Variants in ATRN observed in about 807,000 individuals in gnomAD.
ATRN encodes the protein attractin-2.
ATRN carries 54 observed loss-of-function variants against 178.7 expected under a neutral mutation model. The ratio of observed to expected loss-of-function variants is 0.30; its 90% confidence interval spans 0.24 to 0.38. The LOEUF (loss-of-function observed/expected upper bound fraction) is 0.38, where lower values mean the gene tolerates loss of function less well. ATRN is among the 10% of genes least tolerant of loss of function. The probability of loss-of-function intolerance (pLI) is 1.00; values close to 1 mark genes in which losing one functional copy is unlikely to be tolerated. For synonymous variants in ATRN, 636 were observed against 663.0 expected, an observed-to-expected ratio of 0.96 and a Z score of 0.63; for missense variants, 1,443 against 1,815.1, an observed-to-expected ratio of 0.79 and a Z score of 3.73.
chr20:3,475,355 A>G (rs2084510698), intron 1 of ATRN, among the ~76,000 whole-genome samples: 2 of 152,208 alleles, frequency 1.3e-5, no homozygotes, highest in Admixed American at 6.5e-5. Context: ...TTTCATGTAC[A>G]TTGTATTATT....
In ATRN at chr20:3,575,942, A is replaced by G; in HGVS notation, c.2208A>G (p.Glu736=). The change falls in exon 13 of 29, where the codon GAA becomes GAG. Residue 736 remains glutamate (E), a synonymous_variant. Coordinates refer to ENST00000262919, the MANE Select transcript of ATRN (RefSeq NM_139321.3). ...HCVPRNHSCS[E]GQISIFRYEN... ...TCCCCAGGAACCACAGCTGCTCAGA[A>G]GGCCAGGTCAGAGGCTGTTTCTTAA... 6.2e-7 allele frequency: 1 copy of G among 1,612,932 alleles called. No homozygotes were observed. Among genetic ancestry groups the G allele is most frequent in the Non-Finnish European group, 8.5e-7 (1 of 1,179,680 alleles).
At chr20:3,483,560 C>T (rs2084650920) in intron 1 of ATRN, among the ~76,000 whole-genome samples, 1 of 152,158 alleles carries the variant, frequency 6.6e-6, no homozygotes, top group South Asian at 2.1e-4. Flanking sequence ...GTTGCCCGGG[C>T]TGATCTTGAA....
At position 3,616,560 on chromosome 20, in the gene ATRN, G is replaced by T. The variant is rs550776863; in HGVS notation, c.3802-7951G>T. Among the ~76,000 whole-genome samples, 12 of 152,310 alleles carry T rather than the reference G, an allele frequency of 7.9e-5. No individual in the cohort carries two copies. The South Asian group carries it at 1.0e-3, about 13-fold the overall frequency. On this transcript the variant is annotated intron_variant, in intron 24 of 28. Transcript: ENST00000262919. ...CCTTTCAGGAACTACCAGGAGTTTA[G>T]CAGAGCTGGTGACAGTGCTATGAGC...
intron 16 of ATRN, 29 bp downstream of exon 16, chr20:3,582,383 T>G (rs1343667555): frequency 1.3e-6 from 2 of 1,599,052 alleles, no homozygotes; most frequent in African/African-American, 2.7e-5. Context: ...TAGGTGGTAT[T>G]CAGAGTTTAT....
At chr20:3,566,904 CAAAA>C (rs33920660) in intron 11 of ATRN, among the ~76,000 whole-genome samples, 4 of 86,456 alleles carry the variant, frequency 4.6e-5, no homozygotes, top group Non-Finnish European at 8.4e-5. Flanking sequence ...GACTCCATCT[CAAAA>C]AAAAAAAAAA....
intron 1 of ATRN, among the ~76,000 whole-genome samples, chr20:3,492,780 T>C (rs965163364): frequency 2.0e-5 from 3 of 150,998 alleles, no homozygotes; most frequent in African/African-American, 7.3e-5. Flanking sequence ...ATTTTGTTGG[T>C]TCTGGAACTC....
intron 25 of ATRN, among the ~76,000 whole-genome samples, chr20:3,626,260 A>G (rs536487531): frequency 6.6e-6 from 1 of 151,390 alleles, no homozygotes; most frequent in African/African-American, 2.4e-5. Flanking sequence ...AAGTCTGACT[A>G]CAGAATTCTA....
In ATRN at chr20:3,582,309, G is replaced by A. The variant is rs1440877201; in HGVS notation, c.2719G>A (p.Ala907Thr). 6 of 1,612,330 alleles carry A rather than the reference G, an allele frequency of 3.7e-6. No individual in the cohort carries two copies. The highest frequency in any genetic ancestry group is 5.1e-6 in the Non-Finnish European group (6 of 1,180,018). Residue 907 changes from alanine (A) to threonine (T), a missense_variant, in exon 16 of 29, where the codon GCA (alanine) becomes ACA (threonine). This residue lies in a region of ATRN where 212 missense variants were observed against 330.7 expected (regional missense o/e 0.64). Coordinates refer to ENST00000262919, the MANE Select transcript of ATRN (RefSeq NM_139321.3). Reference protein sequence around the residue: ...SEPSTRGLKAATCINPLNGSV... With the variant: ...SEPSTRGLKATTCINPLNGSV... ...ACCCAGTACTCGGGGACTGAAGGCT[G>A]CAACCTGCATCAACCCACTCAATGG... is the stretch of plus-strand genomic sequence containing the variant.
intron 1 of ATRN, among the ~76,000 whole-genome samples, chr20:3,523,334 A>G (rs903194167): frequency 6.6e-6 from 1 of 152,010 alleles, no homozygotes; most frequent in Non-Finnish European, 1.5e-5. Flanking sequence ...AGATCAACTT[A>G]ATGAAATAAA....
rs780304412 is a variant in ATRN, at chr20:3,471,468, C to T, written c.361C>T (p.Pro121Ser). ...CCCTGGCACCGGCCAGTGCGTCTGC[C>T]CCGCCGGCTGGGTGGGCGAGCAATG... is the stretch of plus-strand genomic sequence containing the variant. ...CNPGTGQCVC[P>S]AGWVGEQCQH... Residue 121 changes from proline to serine, a missense_variant, in exon 1 of 29, where the codon CCC becomes TCC. Physicochemically the swap from Pro to Ser is moderately conservative, Grantham distance 74. This residue lies in a region of ATRN where 862 missense variants were observed against 972.1 expected (regional missense o/e 0.89). Coordinates refer to ENST00000262919, the MANE Select transcript of ATRN (RefSeq NM_139321.3). The T allele has an allele frequency of 1.4e-6, 2 of 1,415,080 alleles. No homozygotes were observed. Among genetic ancestry groups the T allele is most frequent in the East Asian group, 3.0e-5 (1 of 33,614 alleles). The allele number at this position is 1,415,080 out of a possible 1,614,324, so 87.7% of individuals were successfully genotyped here.
Position 3,474,717 on chromosome 20 carries a change from C to T in ATRN, c.410+3200C>T, listed in dbSNP as rs1487213532. ...GCGAGAGTCCATCTCAAAACAACAACAACAACAACAAAAACTCAATAAAAT... is the reference window on the plus strand; with the variant it reads ...GCGAGAGTCCATCTCAAAACAACAATAACAACAACAAAAACTCAATAAAAT... On this transcript the variant is annotated intron_variant, in intron 1 of 28. Coordinates refer to ENST00000262919, the MANE Select transcript of ATRN (RefSeq NM_139321.3). Among the ~76,000 whole-genome samples the T allele has an allele frequency of 4.5e-4, 67 of 149,456 alleles. 1 individual carries two copies. The highest frequency in any genetic ancestry group is 4.5e-3 in the Admixed American group (67 of 14,946).
At chr20:3,642,007 A>G (rs1208784595) in intron 27 of ATRN, among the ~76,000 whole-genome samples, 1 of 152,252 alleles carries the variant, frequency 6.6e-6, no homozygotes, top group African/African-American at 2.4e-5. Context: ...ATTGAACAAC[A>G]TGATATATGT....
In ATRN at chr20:3,547,436, G is replaced by A; in HGVS notation, c.890G>A (p.Gly297Asp). The A allele has an allele frequency of 1.2e-6, 2 of 1,614,172 alleles. No homozygotes were observed. Among genetic ancestry groups the A allele is most frequent in the Non-Finnish European group, 1.7e-6 (2 of 1,180,004 alleles). Residue 297 changes from glycine (G) to aspartate (D), a missense_variant, in exon 5 of 29, where the codon GGC (glycine) becomes GAC (aspartate). Transcript: ENST00000262919. ...CTDNCGFPHR[G>D]ICNSSDVRGC... ...GACAACTGTGGTTTTCCTCATCGAG[G>A]CATCTGCAATTCAAGTGATGTCAGA... is the stretch of plus-strand genomic sequence containing the variant.
At chr20:3,584,469 A>G (rs1015276686) in intron 17 of ATRN, among the ~76,000 whole-genome samples, 178 bp from the exon 18 acceptor site, 3 of 152,160 alleles carry the variant, frequency 2.0e-5, no homozygotes, top group Non-Finnish European at 4.4e-5. Flanking sequence ...GGGAAGGGTC[A>G]TCTCTGTTAT....
In ATRN at chr20:3,507,047, G is replaced by T. The variant is rs78273845; in HGVS notation, c.411-28206G>T. Among the ~76,000 whole-genome samples, 70 of 151,516 alleles carry T rather than the reference G, an allele frequency of 4.6e-4. 2 individuals are homozygous for T. In the East Asian group the frequency reaches 0.013, roughly 29 times the overall value. On this transcript the variant is annotated intron_variant, in intron 1 of 28. Transcript: ENST00000262919. ...AAAGTAAATGCGGTTTTTGCCGGGA[G>T]GTTTTGTTTTTTTTTTTTTAATGGC...
chr20:3,533,833 T>A (rs940820296), intron 1 of ATRN, among the ~76,000 whole-genome samples: 1 of 152,178 alleles, frequency 6.6e-6, no homozygotes, highest in African/African-American at 2.4e-5. Context: ...TATTCTTTTT[T>A]AAAAATAGAT....
chr20:3,543,680 G>C (rs1239427609), intron 3 of ATRN, among the ~76,000 whole-genome samples: 2 of 150,900 alleles, frequency 1.3e-5, no homozygotes, highest in Non-Finnish European at 2.9e-5. Flanking sequence ...AGCCGAGATT[G>C]TGCCACTGCA....
At chr20:3,535,554 T>A (rs1467401928) in intron 2 of ATRN, among the ~76,000 whole-genome samples, 1 of 151,930 alleles carries the variant, frequency 6.6e-6, no homozygotes, top group Non-Finnish European at 1.5e-5. Flanking sequence ...ACCACAAATT[T>A]GTGTATTTCC....
chr20:3,598,876 T>C (rs1447333757), intron 22 of ATRN, among the ~76,000 whole-genome samples: 9 of 152,206 alleles, frequency 5.9e-5, no homozygotes. Flanking sequence ...TAACAATAAA[T>C]GTGACAAATA....
Sources: gnomAD v4.1 joint callset for allele counts (sites outside exome capture counted in the v4.1 genomes callset) on GRCh38, gnomAD v4.1.1 for gene constraint, gnomAD v4.1.1 regional missense constraint, MANE v1.5 for transcripts, NCBI Gene and HGNC (gene_info 2026-07-23, HGNC 2026-07-21) for gene names.